FHIT: variants seen among roughly 807,000 people sequenced by gnomAD.
FHIT encodes the protein bis(5'-adenosyl)-triphosphatase.
In FHIT, 19 loss-of-function variants were observed where a neutral mutation model predicts 17.9. The ratio of observed to expected loss-of-function variants is 1.06; its 90% CI spans 0.74 to 1.56. The LOEUF (loss-of-function observed/expected upper bound fraction) is 1.56. Among genes scored for constraint, FHIT ranks in the 40% most tolerant of loss-of-function variants. The pLI, the probability that FHIT is intolerant of heterozygous loss-of-function variation, is 0.00. For synonymous variants in FHIT, 81 were observed against 69.7 expected, an observed-to-expected ratio of 1.16 and a Z score of -0.81; for missense variants, 248 against 189.2, an observed-to-expected ratio of 1.31 and a Z score of -1.82.
At chr3:60,780,851 G>A (rs1700362257) in intron 4 of FHIT, among the ~76,000 whole-genome samples, 1 of 152,150 alleles carries the variant, frequency 6.6e-6, no homozygotes, top group Non-Finnish European at 1.5e-5. Flanking sequence ...CTGGGGAGGA[G>A]CCTGGTCCCT....
intron 5 of FHIT, among the ~76,000 whole-genome samples, chr3:60,035,244 G>A (rs984072138): frequency 1.3e-5 from 2 of 152,064 alleles, no homozygotes; most frequent in Non-Finnish European, 2.9e-5. Flanking sequence ...TTCACAGAAT[G>A]GCCACCATGC....
At chr3:60,889,488 T>C (rs1282275555) in intron 3 of FHIT, among the ~76,000 whole-genome samples, 1 of 152,232 alleles carries the variant, frequency 6.6e-6, no homozygotes, top group Admixed American at 6.5e-5. Flanking sequence ...AAGATCAATT[T>C]TTAATAGCTA....
rs76816084 is a variant in FHIT, at chr3:60,475,190, T to C, written c.103+61670A>G. On this transcript the variant is annotated intron_variant, in intron 5 of 9. Coordinates refer to ENST00000492590, the MANE Select transcript of FHIT (RefSeq NM_002012.4). ...CACTGGGCCAGAGACTCTTTGTTCA[T>C]CTCTTTAATCTTCACTACATTTCTA... Among the ~76,000 whole-genome samples the C allele has an allele frequency of 3.8e-3, 573 of 151,982 alleles. 7 individuals are homozygous for C. The highest frequency in any genetic ancestry group is 0.013 in the African/African-American group (545 of 41,266).
chr3:60,609,474 T>G (rs576950938), intron 4 of FHIT, among the ~76,000 whole-genome samples: 1 of 152,188 alleles, frequency 6.6e-6, no homozygotes, highest in South Asian at 2.1e-4. Context: ...TACAGGTGTG[T>G]GCCACCACAC....
chr3:60,320,034 T>C (rs181736096), intron 5 of FHIT, among the ~76,000 whole-genome samples: 1 of 152,278 alleles, frequency 6.6e-6, no homozygotes, highest in Admixed American at 6.5e-5. Context: ...TGACAACTTA[T>C]ATCTTAATTT....
intron 3 of FHIT, chr3:60,856,399 C>G (rs903727965): frequency 6.6e-6 from 1 of 152,072 alleles, no homozygotes; most frequent in Non-Finnish European, 1.5e-5. Context: ...ATCACTCAGA[C>G]TGTGTCCTCT....
At chr3:60,416,159 TTAAA>T (rs1483026823) in intron 5 of FHIT, among the ~76,000 whole-genome samples, 2 of 151,708 alleles carry the variant, frequency 1.3e-5, no homozygotes, top group African/African-American at 2.4e-5. Flanking sequence ...AGGCAAATAA[TTAAA>T]TAAATAAATC....
At chr3:60,094,821 A>AAG (rs1363943744) in intron 5 of FHIT, among the ~76,000 whole-genome samples, 1 of 91,422 alleles carries the variant, frequency 1.1e-5, no homozygotes, top group Non-Finnish European at 2.6e-5. Context: ...GAGAGAGAAG[A>AAG]AGAGAGAGAG....
intron 4 of FHIT, among the ~76,000 whole-genome samples, chr3:60,702,622 T>C (rs575006721): frequency 1.2e-4 from 19 of 152,262 alleles, no homozygotes; most frequent in Admixed American, 3.3e-4. Context: ...CATGTTTTCT[T>C]AGTAACTGTG....
intron 2 of FHIT, among the ~76,000 whole-genome samples, chr3:61,167,939 C>A (rs1352468567): frequency 6.6e-6 from 1 of 152,096 alleles, no homozygotes; most frequent in East Asian, 1.9e-4. Flanking sequence ...TGGTAAGTGA[C>A]AAAACCACAA....
At position 60,011,417 on chromosome 3, in the gene FHIT, A is replaced by G. The variant is rs775936660; in HGVS notation, c.250-17T>C. On this transcript the variant is annotated splice_polypyrimidine_tract_variant and intron_variant, in intron 6 of 9. Coordinates refer to ENST00000492590, the MANE Select transcript of FHIT (RefSeq NM_002012.4). ...GGGGCCATCCTAGAAGTAGGAAAAA[A>G]CCAACAGAGGTGAGAATAGATAGAT... is the stretch of plus-strand genomic sequence containing the variant. 5.0e-6 allele frequency: 8 copies of G among 1,611,922 alleles called. No homozygotes were observed. The Middle Eastern group carries it at 4.9e-4, about 100-fold the overall frequency.
chr3:61,067,848 T>G (rs1319699562), intron 2 of FHIT, among the ~76,000 whole-genome samples: 2 of 152,156 alleles, frequency 1.3e-5, no homozygotes, highest in Non-Finnish European at 2.9e-5. Flanking sequence ...AACAACCTGT[T>G]TGGTCAGAAC....
intron 5 of FHIT, among the ~76,000 whole-genome samples, chr3:60,360,885 T>C (rs931185763): frequency 1.3e-5 from 2 of 152,190 alleles, no homozygotes; most frequent in African/African-American, 4.8e-5. Context: ...TCCAACACGA[T>C]TCATTTTGAC....
intron 4 of FHIT, among the ~76,000 whole-genome samples, chr3:60,586,488 T>A (rs1376805360): frequency 6.6e-6 from 1 of 152,076 alleles, no homozygotes; most frequent in African/African-American, 2.4e-5. Context: ...ATCCCCTTAC[T>A]GGATATAAAC....
chr3:60,372,567 G>T (rs942632653), intron 5 of FHIT, among the ~76,000 whole-genome samples: 1 of 152,154 alleles, frequency 6.6e-6, no homozygotes, highest in South Asian at 2.1e-4. Context: ...AAGACAAAAA[G>T]AGTCATGAGT....
At chr3:60,416,865 T>C (rs936511483) in intron 5 of FHIT, among the ~76,000 whole-genome samples, 13 of 152,014 alleles carry the variant, frequency 8.6e-5, no homozygotes, top group African/African-American at 2.9e-4. Flanking sequence ...GGCGGGAGGA[T>C]CACGAGGTCA....
At chr3:60,725,987 T>C (rs2041909471) in intron 4 of FHIT, among the ~76,000 whole-genome samples, 2 of 152,030 alleles carry the variant, frequency 1.3e-5, no homozygotes, top group East Asian at 3.9e-4. Context: ...TTTAAAAAAA[T>C]TGAGGGAAGG....
rs1384801137 is a variant in FHIT, at chr3:60,087,173, G to C, written c.104-73021C>G. 3.3e-5 allele frequency among the ~76,000 whole-genome samples: 5 copies of C among 152,350 alleles called. No homozygotes were observed. The East Asian group carries it at 9.6e-4, about 29-fold the overall frequency. On this transcript the variant is annotated intron_variant, in intron 5 of 9. Transcript: ENST00000492590. ...TTGAGCCATGGCTGGAGCCAGAGCAGCTGGGATGCAGGGAGCAACATCCAG... is the reference window on the plus strand; with the variant it reads ...TTGAGCCATGGCTGGAGCCAGAGCACCTGGGATGCAGGGAGCAACATCCAG...
chr3:60,084,468 A>G (rs1164630701), intron 5 of FHIT, among the ~76,000 whole-genome samples: 2 of 152,170 alleles, frequency 1.3e-5, no homozygotes, highest in Non-Finnish European at 2.9e-5. Context: ...TGAGGAATTC[A>G]TGAAGTTTAG....
Sources: allele counts gnomAD v4.1 joint callset (sites outside exome capture counted in the v4.1 genomes callset), GRCh38; gene constraint gnomAD v4.1.1; transcripts MANE v1.5; gene names NCBI Gene and HGNC (gene_info 2026-07-23, HGNC 2026-07-21).